The following CATSPERE variants were observed in gnomAD, a reference collection of about 807,000 sequenced individuals.
The protein encoded by CATSPERE is cation channel sperm-associated auxiliary subunit epsilon.
Under a neutral mutation model 114.1 loss-of-function variants are expected in CATSPERE, and 93 were observed. The observed-to-expected ratio is 0.81, with a 90% confidence interval of 0.69 to 0.97. The LOEUF is 0.97. CATSPERE is among the 50% of genes least tolerant of loss of function. The probability of loss-of-function intolerance (pLI) is 0.00; values close to 1 mark genes in which losing one functional copy is unlikely to be tolerated. For missense variants in CATSPERE, 1,058 were observed against 1,131.6 expected, an observed-to-expected ratio of 0.93 and a Z score of 0.93; for synonymous variants, 341 against 384.1, an observed-to-expected ratio of 0.89 and a Z score of 1.31.
intron 19 of CATSPERE, among the ~76,000 whole-genome samples, chr1:244,615,585 GGTAA>G (rs1671275011): frequency 6.6e-6 from 1 of 151,702 alleles, no homozygotes; most frequent in African/African-American, 2.4e-5. Context: ...GTAAGGAAAT[GGTAA>G]GTATTTGTGC....
chr1:244,560,674 GGAA>G lies in CATSPERE; in HGVS notation c.1044_1046del (p.Arg348del). On this transcript the variant is annotated inframe_deletion, in exon 10 of 22. Coordinates refer to ENST00000366534, the MANE Select transcript of CATSPERE (RefSeq NM_001130957.2). ...ATTTTTCATTTTGTCACAGGCTAAA[GGAA>G]GAAGAAGCACCTTTGCAGTCTGGAC... 1.3e-6 allele frequency: 2 copies of G among 1,575,636 alleles called. No individual in the cohort carries two copies. Among genetic ancestry groups the G allele is most frequent in the African/African-American group, 1.4e-5 (1 of 73,482 alleles).
Position 244,575,289 on chromosome 1 carries a change from G to T in CATSPERE, c.1950+2517G>T, listed in dbSNP as rs112165980. 6.6e-6 allele frequency among the ~76,000 whole-genome samples: 1 copy of T among 152,214 alleles called. No individual in the cohort carries two copies. Among genetic ancestry groups the T allele is most frequent in the Admixed American group, 6.5e-5 (1 of 15,282 alleles). ...GGCAGGTGCCTGCCGTAAGTTGTAC[G>T]ATCATGCTCTTTCACCTCCTCTGCT... is the stretch of plus-strand genomic sequence containing the variant. On this transcript the variant is annotated intron_variant, in intron 11 of 21. Coordinates refer to ENST00000366534, the MANE Select transcript of CATSPERE (RefSeq NM_001130957.2). The surrounding 1 kb of genome is among the most constrained non-coding windows in gnomAD (Gnocchi z 4.5).
intron 20 of CATSPERE, among the ~76,000 whole-genome samples, chr1:244,628,984 T>TAACA (rs1240413153): frequency 6.6e-6 from 1 of 152,212 alleles, no homozygotes. Flanking sequence ...GAGATAAGAC[T>TAACA]AACACTCAGT....
At chr1:244,560,074 C>T (rs1415860700) in intron 9 of CATSPERE, among the ~76,000 whole-genome samples, 1 of 152,080 alleles carries the variant, frequency 6.6e-6, no homozygotes, top group Non-Finnish European at 1.5e-5. Context: ...CTCACTGCAT[C>T]CTTGAACTCC....
intron 5 of CATSPERE, among the ~76,000 whole-genome samples, chr1:244,484,176 C>T (rs1670659487): frequency 1.3e-5 from 2 of 152,150 alleles, no homozygotes; most frequent in South Asian, 4.1e-4. Context: ...AACAAAACTA[C>T]ATTATCCTTA....
rs764124858 is a variant in CATSPERE, at chr1:244,535,765, T to C, written c.537-16557T>C. Among the ~76,000 whole-genome samples the C allele has an allele frequency of 3.9e-4, 59 of 152,148 alleles. 1 individual carries two copies. Among genetic ancestry groups the C allele is most frequent in the Non-Finnish European group, 8.8e-5 (6 of 68,022 alleles). On this transcript the variant is annotated intron_variant, in intron 8 of 21. Transcript: ENST00000366534. ...GAGGCTGCTTGGTACTCTACTCCACTGTGGCCAAGCTGGTACCTAAGCTGC... is the reference window on the plus strand; with the variant it reads ...GAGGCTGCTTGGTACTCTACTCCACCGTGGCCAAGCTGGTACCTAAGCTGC...
intron 8 of CATSPERE, among the ~76,000 whole-genome samples, chr1:244,530,438 A>G (rs1679408518): frequency 6.6e-6 from 1 of 152,140 alleles, no homozygotes; most frequent in Non-Finnish European, 1.5e-5. Context: ...GTATAATTTG[A>G]AGTCAGGTAA....
chr1:244,474,608 A>G (rs1042374909), intron 2 of CATSPERE, among the ~76,000 whole-genome samples: 2 of 151,948 alleles, frequency 1.3e-5, no homozygotes, highest in South Asian at 2.1e-4. Flanking sequence ...CTCTGTTCCA[A>G]ACATTTTGGT....
At chr1:244,635,675 T>A in intron 21 of CATSPERE, 133 bp downstream of exon 21, 1 of 622,556 alleles carries the variant, frequency 1.6e-6, no homozygotes, top group Non-Finnish European at 2.9e-6. Context: ...GCCCCCAGCT[T>A]AAATCTTATT....
chr1:244,557,582 T>TATATAA (rs1661844658), intron 9 of CATSPERE, among the ~76,000 whole-genome samples: 1 of 108,106 alleles, frequency 9.3e-6, no homozygotes, highest in Non-Finnish European at 1.9e-5. Context: ...TATATATATA[T>TATATAA]AAAATCTCCC....
rs767294747 is a variant in CATSPERE at position 244,518,719 on chromosome 1, T to G, written c.536+21T>G. 11 of 1,251,396 alleles carry G rather than the reference T, an allele frequency of 8.8e-6. No homozygotes were observed. In the Admixed American group the frequency reaches 2.5e-4, roughly 28 times the overall value. 77.5% of individuals were successfully genotyped at this position (1,251,396 alleles called of 1,614,324 possible). A position where few individuals can be genotyped will look rare whatever the true frequency, so the allele number is the denominator to read the frequency against. ...AGGGGGTATTTAATTTTTTTTAATT[T>G]TAAATATAGAAATATGAAAACTTAA... On this transcript the variant is annotated intron_variant, in intron 8 of 21. Transcript: ENST00000366534.
At chr1:244,466,569 T>A (rs1237236304) in intron 2 of CATSPERE, among the ~76,000 whole-genome samples, 2 of 152,152 alleles carry the variant, frequency 1.3e-5, no homozygotes, top group African/African-American at 4.8e-5. Flanking sequence ...ATATTATCCC[T>A]GTCTTTAAGG....
chr1:244,632,418 A>AAAAAG (rs1341741827), intron 20 of CATSPERE, among the ~76,000 whole-genome samples: 31 of 151,568 alleles, frequency 2.0e-4, no homozygotes, highest in South Asian at 8.3e-4. Context: ...AATGAAAAAG[A>AAAAAG]AAAAGAAAAG....
chr1:244,534,124 T>C (rs1331442467), intron 8 of CATSPERE, among the ~76,000 whole-genome samples: 1 of 152,202 alleles, frequency 6.6e-6, no homozygotes, highest in Non-Finnish European at 1.5e-5. Context: ...AAATGTCTGC[T>C]GCCAGACATA....
At chr1:244,453,509 G>A (rs1297041348), upstream of CATSPERE, among the ~76,000 whole-genome samples, 1 of 152,186 alleles carries the variant, frequency 6.6e-6, no homozygotes. Context: ...ACAAATTTGG[G>A]GGCTTGTCTG....
chr1:244,609,282 A>G (rs1180471984), intron 18 of CATSPERE, among the ~76,000 whole-genome samples: 1 of 152,144 alleles, frequency 6.6e-6, no homozygotes, highest in Admixed American at 6.6e-5. Context: ...TATGGCAAAC[A>G]TTATATTTAA....
intron 6 of CATSPERE, among the ~76,000 whole-genome samples, chr1:244,490,851 G>A (rs367607590): frequency 2.6e-4 from 39 of 151,744 alleles, no homozygotes; most frequent in South Asian, 1.9e-3. Flanking sequence ...ATAAAAATAC[G>A]TTAATTAACA....
At chr1:244,631,399 A>G (rs1673929079) in intron 20 of CATSPERE, among the ~76,000 whole-genome samples, 1 of 152,098 alleles carries the variant, frequency 6.6e-6, no homozygotes, top group East Asian at 1.9e-4. Flanking sequence ...GCATATGGCT[A>G]TGACTTTTTG....
chr1:244,551,506 T>C (rs1193356511), intron 8 of CATSPERE, among the ~76,000 whole-genome samples: 8 of 152,224 alleles, frequency 5.3e-5, no homozygotes, highest in African/African-American at 1.9e-4. Flanking sequence ...AAGCAGTATT[T>C]ACACAGTAAA....
Sources: gnomAD v4.1 joint callset for allele counts (sites outside exome capture counted in the v4.1 genomes callset) on GRCh38, gnomAD v4.1.1 for gene constraint, Gnocchi (gnomAD v3.1) non-coding constraint, MANE v1.5 for transcripts, NCBI Gene and HGNC (gene_info 2026-07-23, HGNC 2026-07-21) for gene names.